Variants in ADAM2 observed in about 807,000 individuals in gnomAD.
ADAM2 encodes ADAM metallopeptidase domain 2.
In ADAM2, 101 loss-of-function variants were observed where a neutral mutation model predicts 99.3. The observed-to-expected ratio is 1.02, with a 90% CI of 0.87 to 1.20. The LOEUF (loss-of-function observed/expected upper bound fraction) is 1.20. Ranked by LOEUF, ADAM2 falls within the 50% of genes most tolerant of loss-of-function variation. ADAM2 has a pLI of 0.00. For missense variants in ADAM2, 948 were observed against 878.7 expected (o/e 1.08, Z -1.00); for synonymous variants, 323 against 287.6 (o/e 1.12, Z -1.25).
At chr8:39,778,101 A>G (rs1803072420) in intron 10 of ADAM2, among the ~76,000 whole-genome samples, 1 of 150,056 alleles carries the variant, frequency 6.7e-6, no homozygotes, top group Non-Finnish European at 1.5e-5. Context: ...TCTTTTTGTA[A>G]GAGTAAGATG....
chr8:39,804,357 G>A (rs899723082), intron 7 of ADAM2, among the ~76,000 whole-genome samples: 22 of 152,086 alleles, frequency 1.4e-4, no homozygotes, highest in Non-Finnish European at 2.9e-4. Flanking sequence ...TGAAACCATA[G>A]GATATGTGGT....
intron 16 of ADAM2, among the ~76,000 whole-genome samples, chr8:39,752,099 G>A (rs1170017209): frequency 6.6e-6 from 1 of 152,040 alleles, no homozygotes; most frequent in Non-Finnish European, 1.5e-5. Flanking sequence ...TCATTTTTAG[G>A]TTCAGAAAAT....
intron 10 of ADAM2, among the ~76,000 whole-genome samples, chr8:39,784,412 G>T (rs952211385): frequency 6.6e-6 from 1 of 152,098 alleles, no homozygotes; most frequent in Non-Finnish European, 1.5e-5. Context: ...ATGGAGTCTT[G>T]CTCTGTTGCC....
In ADAM2 at chr8:39,769,476, G is replaced by A. The variant is rs762701206; in HGVS notation, c.1128C>T (p.Arg376=). ...QKSQCLHNQP[R]LDPFFKQQAV... is the part of the protein sequence containing the mutation. ...CTTGCTGTTTGAAAAAAGGATCTAAGCGAGGCTGATTGTGAAGACACTGGG... is the reference window on the plus strand; with the variant it reads ...CTTGCTGTTTGAAAAAAGGATCTAAACGAGGCTGATTGTGAAGACACTGGG... The change falls in exon 12 of 21, where the codon CGC becomes CGT. Residue 376 remains arginine (R), a synonymous_variant. Coordinates refer to ENST00000265708, the MANE Select transcript of ADAM2 (RefSeq NM_001464.5). 5.0e-6 allele frequency: 8 copies of A among 1,613,868 alleles called. No individual in the cohort carries two copies. The highest frequency in any genetic ancestry group is 6.8e-6 in the Non-Finnish European group (8 of 1,179,806).
At chr8:39,749,191 G>T in intron 18 of ADAM2, 121 bp downstream of exon 18, 1 of 825,984 alleles carries the variant, frequency 1.2e-6, no homozygotes, top group South Asian at 1.9e-5. Flanking sequence ...ACACATTCAT[G>T]TGCAGTTTAA....
intron 9 of ADAM2, 80 bp downstream of exon 9, chr8:39,788,005 A>G: frequency 1.0e-6 from 1 of 966,632 alleles, no homozygotes. Context: ...TTTAATACAC[A>G]TTTATCAACA....
At chr8:39,756,551 C>T (rs893164749) in intron 15 of ADAM2, among the ~76,000 whole-genome samples, 1 of 152,158 alleles carries the variant, frequency 6.6e-6, no homozygotes, top group Non-Finnish European at 1.5e-5. Context: ...GGCAGAGAGA[C>T]TAACCCTAGA....
chr8:39,796,803 C>T (rs774894283), intron 7 of ADAM2, among the ~76,000 whole-genome samples: 1 of 151,970 alleles, frequency 6.6e-6, no homozygotes, highest in Non-Finnish European at 1.5e-5. Context: ...TGATGTGGAG[C>T]TTTTTTTTCC....
chr8:39,776,513 A>G (rs1373211673), intron 11 of ADAM2, among the ~76,000 whole-genome samples: 1 of 152,120 alleles, frequency 6.6e-6, no homozygotes, highest in Non-Finnish European at 1.5e-5. Flanking sequence ...ACAAACATTC[A>G]TAATGTACTA....
chr8:39,804,700 A>G (rs1188561658), intron 7 of ADAM2, among the ~76,000 whole-genome samples: 1 of 152,198 alleles, frequency 6.6e-6, no homozygotes, highest in Non-Finnish European at 1.5e-5. Flanking sequence ...TGATATGAGT[A>G]TTATTAAAAT....
At chr8:39,750,769 T>C (rs933747555) in intron 16 of ADAM2, among the ~76,000 whole-genome samples, 1 of 152,086 alleles carries the variant, frequency 6.6e-6, no homozygotes, top group Non-Finnish European at 1.5e-5. Flanking sequence ...TCAACTGAGA[T>C]AAAGAAAGTT....
At chr8:39,746,681 TAAAG>T in intron 18 of ADAM2, 50 bp from the exon 19 acceptor site, 9 of 1,414,800 alleles carry the variant, frequency 6.4e-6, no homozygotes, top group South Asian at 1.3e-5. Flanking sequence ...AGAAATATAG[TAAAG>T]ATATTTCTGT....
Position 39,788,217 on chromosome 8 carries a change from G to A in ADAM2, c.677C>T (p.Ser226Phe). Residue 226 changes from serine to phenylalanine, a missense_variant, in exon 9 of 21, where the codon TCT (serine) becomes TTT (phenylalanine). Coordinates refer to ENST00000265708, the MANE Select transcript of ADAM2 (RefSeq NM_001464.5). ...TTCATCTATCCAAAGCTCCAATGAA[G>A]ACAGAATAATTGTAATATTAAATGA... ...FVSFNITIIL[S>F]SLELWIDENK... The A allele has an allele frequency of 1.3e-6, 2 of 1,558,084 alleles. No homozygotes were observed. Among genetic ancestry groups the A allele is most frequent in the East Asian group, 2.3e-5 (1 of 42,830 alleles).
At chr8:39,784,712 G>A (rs543740442) in intron 10 of ADAM2, among the ~76,000 whole-genome samples, 1 of 152,094 alleles carries the variant, frequency 6.6e-6, no homozygotes, top group Non-Finnish European at 1.5e-5. Context: ...AAATAAACAA[G>A]CCAAATTCCA....
chr8:39,835,285 C>A (rs1805775628), intron 2 of ADAM2, among the ~76,000 whole-genome samples: 1 of 152,190 alleles, frequency 6.6e-6, no homozygotes, highest in African/African-American at 2.4e-5. Context: ...TCACATGTTG[C>A]ATTTCATCTT....
chr8:39,760,118 C>T (rs1802292473), intron 15 of ADAM2, among the ~76,000 whole-genome samples: 1 of 152,150 alleles, frequency 6.6e-6, no homozygotes, highest in African/African-American at 2.4e-5. Context: ...CTGCCCGCCT[C>T]AGCCTCCCAA....
chr8:39,835,993 G>A (rs1805808298), intron 2 of ADAM2, among the ~76,000 whole-genome samples: 1 of 151,700 alleles, frequency 6.6e-6, no homozygotes, highest in Non-Finnish European at 1.5e-5. Flanking sequence ...GCTTTGTTTT[G>A]GTTTTGGTAA....
In ADAM2 at chr8:39,749,452, TA is replaced by T. The variant is rs777504984; in HGVS notation, c.1876-3del. 6.2e-7 allele frequency: 1 copy of T among 1,609,460 alleles called. No homozygotes were observed. Among genetic ancestry groups the T allele is most frequent in the South Asian group, 1.1e-5 (1 of 90,626 alleles). ...ACAGTGCTTTTTGTTATTGCATACC[TA>T]AAAGAAGGAGAAATATCACCTTATA... On this transcript the variant is annotated splice_polypyrimidine_tract_variant and splice_region_variant and intron_variant, in intron 17 of 20. Transcript: ENST00000265708.
At chr8:39,751,845 T>A (rs1379882941) in intron 16 of ADAM2, among the ~76,000 whole-genome samples, 1 of 152,228 alleles carries the variant, frequency 6.6e-6, no homozygotes, top group Non-Finnish European at 1.5e-5. Flanking sequence ...TACTCTTTTT[T>A]TTTTTGAGAT....
Sources: gnomAD v4.1 joint callset for allele counts (sites outside exome capture counted in the v4.1 genomes callset) on GRCh38, gnomAD v4.1.1 for gene constraint, MANE v1.5 for transcripts, NCBI Gene and HGNC (gene_info 2026-07-23, HGNC 2026-07-21) for gene names.